TNKS2: variants seen among roughly 807,000 people sequenced by gnomAD.
TNKS2 encodes the protein tankyrase 2.
A neutral mutation model predicts 137.6 loss-of-function variants in TNKS2; 72 were observed. The ratio of observed to expected loss-of-function variants is 0.52; its 90% CI spans 0.43 to 0.64. TNKS2 has a LOEUF of 0.64. Among genes scored for constraint, TNKS2 ranks in the 30% least tolerant of loss-of-function variants. The probability of loss-of-function intolerance (pLI) is 0.00; values close to 1 mark genes in which losing one functional copy is unlikely to be tolerated. For missense variants in TNKS2, 1,049 were observed against 1,410.2 expected, an observed-to-expected ratio of 0.74 and a Z score of 4.10; for synonymous variants, 516 against 512.1, an observed-to-expected ratio of 1.01 and a Z score of -0.10.
chr10:91,819,278 A>G lies in TNKS2; in HGVS notation c.529A>G (p.Lys177Glu). The G allele has an allele frequency of 1.4e-6, 2 of 1,451,996 alleles. No individual in the cohort carries two copies. Among genetic ancestry groups the G allele is most frequent in the Non-Finnish European group, 1.8e-6 (2 of 1,094,186 alleles). 89.9% of individuals were successfully genotyped at this position (1,451,996 alleles called of 1,614,324 possible). Residue 177 changes from lysine (K) to glutamate (E), a missense_variant, in exon 4 of 27, where the codon AAG (lysine) becomes GAG (glutamate). Around this residue, in one of 6 missense-constraint regions of TNKS2, gnomAD observed 374 missense variants for 460.8 expected, o/e 0.81. Coordinates refer to ENST00000371627, the MANE Select transcript of TNKS2 (RefSeq NM_025235.4). ...TTTTTTCTAATTCACAGGTGAATAT[A>G]AGAAAGATGAACTCTTAGAAAGTGC... Reference protein sequence around the residue: ...SAKAVLTGEYKKDELLESARS... With the variant: ...SAKAVLTGEYEKDELLESARS...
chr10:91,799,784 A>G (rs890635119), intron 1 of TNKS2, among the ~76,000 whole-genome samples: 1 of 152,238 alleles, frequency 6.6e-6, no homozygotes, highest in Non-Finnish European at 1.5e-5. Context: ...TTCTAACTTC[A>G]GGTGAGTCAT....
chr10:91,817,086 G>C (rs781185833), intron 2 of TNKS2, 48 bp from the exon 3 acceptor site: 20 of 1,329,364 alleles, frequency 1.5e-5, no homozygotes, highest in Non-Finnish European at 2.1e-5. Flanking sequence ...CTAAAATCAA[G>C]TTGTTAAGAT....
chr10:91,854,616 G>A (rs1842646688), intron 21 of TNKS2, among the ~76,000 whole-genome samples: 1 of 152,000 alleles, frequency 6.6e-6, no homozygotes, highest in African/African-American at 2.4e-5. Flanking sequence ...AAAATTGATA[G>A]TAAGCGGCCA....
intron 25 of TNKS2, among the ~76,000 whole-genome samples, chr10:91,861,314 G>A (rs540460253): frequency 9.8e-5 from 15 of 152,300 alleles, no homozygotes; most frequent in African/African-American, 3.6e-4. Flanking sequence ...AAACTAATGT[G>A]CATGGGGCAT....
At position 91,829,759 on chromosome 10, in the gene TNKS2, T is replaced by C. The variant is rs74151747; in HGVS notation, c.1105-1164T>C. ...GATCTGCAGCAAAGTCATGAGGATCTGATAAGCTTTATGATTGATTAACAA... is the reference window on the plus strand; with the variant it reads ...GATCTGCAGCAAAGTCATGAGGATCCGATAAGCTTTATGATTGATTAACAA... On this transcript the variant is annotated intron_variant, in intron 9 of 26. Coordinates refer to ENST00000371627, the MANE Select transcript of TNKS2 (RefSeq NM_025235.4). Among the ~76,000 whole-genome samples the C allele has an allele frequency of 3.3e-3, 508 of 152,320 alleles. 4 individuals are homozygous for C. Among genetic ancestry groups the C allele is most frequent in the African/African-American group, 0.012 (482 of 41,574 alleles).
At chr10:91,826,046 T>C (rs1333350011) in intron 7 of TNKS2, among the ~76,000 whole-genome samples, 1 of 152,246 alleles carries the variant, frequency 6.6e-6, no homozygotes, top group Non-Finnish European at 1.5e-5. Flanking sequence ...CAGAAGTGTT[T>C]TAGATTTCAG....
At position 91,813,022 on chromosome 10, in the gene TNKS2, A is replaced by G; in HGVS notation, c.239A>G (p.Asn80Ser). ...RKDVVEYLLQ[N>S]GANVQARDDG... Reference sequence around the variant, plus strand: ...GACGTAGTTGAATATTTGCTTCAGAATGGTGCAAATGTCCAAGCACGTGAT... The same window carrying G: ...GACGTAGTTGAATATTTGCTTCAGAGTGGTGCAAATGTCCAAGCACGTGAT... The change falls in exon 2 of 27, where the codon AAT (asparagine) becomes AGT (serine). Residue 80 changes from asparagine to serine, a missense_variant. Transcript: ENST00000371627. The G allele has an allele frequency of 6.2e-7, 1 of 1,614,174 alleles. No homozygotes were observed. Among genetic ancestry groups the G allele is most frequent in the Non-Finnish European group, 8.5e-7 (1 of 1,180,024 alleles).
intron 3 of TNKS2, 46 bp from the exon 4 acceptor site, chr10:91,819,224 A>AT (rs1844805320): frequency 8.4e-7 from 1 of 1,185,806 alleles, no homozygotes; most frequent in Admixed American, 3.4e-5. Context: ...AAACTCATTA[A>AT]TTTTTCTTTT....
In TNKS2 at chr10:91,864,758, T is replaced by A. The variant is rs570855978; in HGVS notation, c.*1759T>A. The A allele has an allele frequency of 6.5e-6, 1 of 152,736 alleles. No homozygotes were observed. Among genetic ancestry groups the A allele is most frequent in the East Asian group, 1.9e-4 (1 of 5,190 alleles). The allele number at this position is 152,736 out of a possible 1,614,324, so 9.5% of individuals were successfully genotyped here. A position where few individuals can be genotyped will look rare whatever the true frequency, so the allele number is the denominator to read the frequency against. On this transcript the variant is annotated 3_prime_UTR_variant, in exon 27 of 27. Transcript: ENST00000371627. The stretch of plus-strand genomic sequence containing the variant: ...GAACACAAGTGGAGTATGCCAAATT[T>A]TATATGAATTTTTCAGATTATCTAA...
chr10:91,815,781 A>G (rs1317915659), intron 2 of TNKS2, among the ~76,000 whole-genome samples: 1 of 152,052 alleles, frequency 6.6e-6, no homozygotes, highest in Non-Finnish European at 1.5e-5. Flanking sequence ...TGGTATATAT[A>G]GGAGTAGAGC....
At position 91,812,998 on chromosome 10, in the gene TNKS2, A is replaced by G; in HGVS notation, c.215A>G (p.Asp72Gly). The change falls in exon 2 of 27, where the codon GAC becomes GGC. Residue 72 changes from aspartate to glycine, a missense_variant. By Grantham distance (94) the Asp-to-Gly change is moderately conservative (BLOSUM62 -1). This residue lies in a region of TNKS2 where 374 missense variants were observed against 460.8 expected (regional missense o/e 0.81). Transcript: ENST00000371627. ...TTTCATCTAGGTTTTGGGCGGAAAG[A>G]CGTAGTTGAATATTTGCTTCAGAAT... ...LHFAAGFGRKDVVEYLLQNGA... is the reference protein window; with the variant it reads ...LHFAAGFGRKGVVEYLLQNGA... The G allele has an allele frequency of 1.2e-6, 2 of 1,614,116 alleles. No homozygotes were observed. The highest frequency in any genetic ancestry group is 1.7e-6 in the Non-Finnish European group (2 of 1,180,004).
intron 2 of TNKS2, among the ~76,000 whole-genome samples, chr10:91,816,811 A>G (rs1354724762): frequency 2.0e-5 from 3 of 152,104 alleles, no homozygotes; most frequent in Admixed American, 2.0e-4. Context: ...GAATGAGAAA[A>G]CAAGCTTTTA....
chr10:91,832,364 C>T (rs1198338823), intron 11 of TNKS2, among the ~76,000 whole-genome samples: 1 of 151,994 alleles, frequency 6.6e-6, no homozygotes, highest in Non-Finnish European at 1.5e-5. Context: ...TTGTCCAGGA[C>T]TTCACGTTTT....
At position 91,837,009 on chromosome 10, in the gene TNKS2, G is replaced by C; in HGVS notation, c.1527+11G>C. The C allele has an allele frequency of 1.9e-6, 3 of 1,610,626 alleles. No individual in the cohort carries two copies. Among genetic ancestry groups the C allele is most frequent in the Non-Finnish European group, 2.5e-6 (3 of 1,178,696 alleles). The stretch of plus-strand genomic sequence containing the variant: ...GTCGAAACTGTAAAAGTAAGATACA[G>C]TGTTACGTTTCTGTTAACTTTGGGT... On this transcript the variant is annotated intron_variant, in intron 13 of 26. Coordinates refer to ENST00000371627, the MANE Select transcript of TNKS2 (RefSeq NM_025235.4).
rs1347337770 is a variant in TNKS2, at chr10:91,809,598, G to A, written c.200-3385G>A. ...GGAGAATGGCGTGAACCTGGGAGGC[G>A]GAGCTTGCAGTGAGCCGAGATTGCG... On this transcript the variant is annotated intron_variant, in intron 1 of 26. Coordinates refer to ENST00000371627, the MANE Select transcript of TNKS2 (RefSeq NM_025235.4). Among the ~76,000 whole-genome samples, 5 of 151,786 alleles carry A rather than the reference G, an allele frequency of 3.3e-5. 1 individual carries two copies. Among genetic ancestry groups the A allele is most frequent in the South Asian group, 4.2e-4 (2 of 4,790 alleles).
chr10:91,840,515 A>G, intron 13 of TNKS2, 46 bp from the exon 14 acceptor site: 5 of 1,539,636 alleles, frequency 3.2e-6, no homozygotes, highest in Non-Finnish European at 8.8e-7. Context: ...ACAAGAAATA[A>G]CAATATGTAG....
chr10:91,848,686 T>C (rs1842455903), intron 19 of TNKS2, 51 bp downstream of exon 19: 1 of 1,589,792 alleles, frequency 6.3e-7, no homozygotes, highest in Admixed American at 1.8e-5. Flanking sequence ...AGCCCCGTAT[T>C]TGTCATTTGG....
intron 1 of TNKS2, among the ~76,000 whole-genome samples, chr10:91,799,209 C>T (rs760011051): frequency 6.6e-6 from 1 of 152,134 alleles, no homozygotes; most frequent in Non-Finnish European, 1.5e-5. Flanking sequence ...AAGGCCTCTA[C>T]ACACAAGAAA....
chr10:91,830,989 G>A lies in TNKS2; in HGVS notation c.1171G>A (p.Ala391Thr). 6.2e-7 allele frequency: 1 copy of A among 1,612,586 alleles called. No homozygotes were observed. The highest frequency in any genetic ancestry group is 8.5e-7 in the Non-Finnish European group (1 of 1,179,778). The change falls in exon 10 of 27, where the codon GCA (alanine) becomes ACA (threonine). Residue 391 changes from alanine (A) to threonine (T), a missense_variant. Ala to Thr is a moderately conservative substitution (Grantham distance 58). This residue lies in a region of TNKS2 where 328 missense variants were observed against 436.0 expected (regional missense o/e 0.75). Coordinates refer to ENST00000371627, the MANE Select transcript of TNKS2 (RefSeq NM_025235.4). Reference protein sequence around the residue: ...QICELLLRKGANINEKTKEFL... With the variant: ...QICELLLRKGTNINEKTKEFL... ...ATGTGAACTGTTGCTAAGAAAAGGA[G>A]CAAACATCAATGAAAAGACTAAAGA... is the stretch of plus-strand genomic sequence containing the variant.
Sources: allele counts gnomAD v4.1 joint callset (sites outside exome capture counted in the v4.1 genomes callset), GRCh38; gene constraint gnomAD v4.1.1; regional missense constraint gnomAD v4.1.1; transcripts MANE v1.5; gene names NCBI Gene and HGNC (gene_info 2026-07-23, HGNC 2026-07-21).